The following ZNF697 variants were observed in gnomAD, a reference collection of about 807,000 sequenced individuals.
ZNF697 encodes zinc finger protein 697.
ZNF697 carries 23 observed loss-of-function variants against 32.4 expected under a neutral mutation model. The ratio of observed to expected loss-of-function variants is 0.71; its 90% CI spans 0.51 to 1.01. ZNF697 has a LOEUF of 1.01. ZNF697 is among the 50% of genes least tolerant of loss of function. The pLI is 0.00. For synonymous variants in ZNF697, 418 were observed against 337.2 expected, an observed-to-expected ratio of 1.24 and a Z score of -2.62; for missense variants, 930 against 794.0, an observed-to-expected ratio of 1.17 and a Z score of -2.06.
intron 1 of ZNF697, among the ~76,000 whole-genome samples, chr1:119,638,402 C>T (rs888395029): frequency 1.1e-4 from 17 of 152,158 alleles, no homozygotes; most frequent in African/African-American, 3.9e-4. Context: ...TTCCACATGC[C>T]GTGGTCTCCT....
At chr1:119,633,382 GTGTGTGTGTGTA>G (rs1340295193) in intron 1 of ZNF697, among the ~76,000 whole-genome samples, 4 of 146,896 alleles carry the variant, frequency 2.7e-5, no homozygotes, top group African/African-American at 1.1e-4. Flanking sequence ...GTGTGTGTGT[GTGTGTGTGTGTA>G]TAGAGAGAGA....
Position 119,623,517 on chromosome 1 carries a change from G to C in ZNF697, c.826C>G (p.Leu276Val). ...CGKGFSRNTY[L>V]TNHLRLHTGE... ...GTGTGCAGGCGCAGGTGGTTGGTCA[G>C]GTAGGTGTTGCGGCTGAAGCCCTTG... Residue 276 changes from leucine to valine, a missense_variant, in exon 3 of 3, where the codon CTG becomes GTG. Transcript: ENST00000421812. The C allele has an allele frequency of 6.4e-7, 1 of 1,566,558 alleles. No homozygotes were observed. Among genetic ancestry groups the C allele is most frequent in the East Asian group, 2.5e-5 (1 of 40,602 alleles).
At chr1:119,631,689 A>AG (rs946579423) in intron 1 of ZNF697, among the ~76,000 whole-genome samples, 6 of 152,180 alleles carry the variant, frequency 3.9e-5, no homozygotes, top group Non-Finnish European at 8.8e-5. Flanking sequence ...GCGGGGAGCC[A>AG]GGCCGGCAGG....
At chr1:119,643,537 C>T (rs928481204) in intron 1 of ZNF697, among the ~76,000 whole-genome samples, 1 of 152,176 alleles carries the variant, frequency 6.6e-6, no homozygotes, top group African/African-American at 2.4e-5. Flanking sequence ...TTAACCATCC[C>T]TTATCAATAC....
rs1300516214 is a variant in ZNF697 at position 119,619,729 on chromosome 1, A to G, written c.*2976T>C. The G allele has an allele frequency of 6.6e-6, 1 of 152,662 alleles. No individual in the cohort carries two copies. Among genetic ancestry groups the G allele is most frequent in the Non-Finnish European group, 1.5e-5 (1 of 68,046 alleles). The allele number at this position is 152,662 out of a possible 1,614,324, so 9.5% of individuals were successfully genotyped here. On this transcript the variant is annotated 3_prime_UTR_variant, in exon 3 of 3. Coordinates refer to ENST00000421812, the MANE Select transcript of ZNF697 (RefSeq NM_001080470.2). ...CATATGTACAGTCTCTTGATTGTAA[A>G]GAGACCACATGGCTCAAGGGGTTAA...
In ZNF697 at chr1:119,624,130, A is replaced by G; in HGVS notation, c.227-14T>C. 6.5e-7 allele frequency: 1 copy of G among 1,541,788 alleles called. No individual in the cohort carries two copies. Among genetic ancestry groups the G allele is most frequent in the Non-Finnish European group, 8.8e-7 (1 of 1,142,188 alleles). Reference sequence around the variant, plus strand: ...TCAGCTGCCCCTCTGCAACAGAAAAAGGTGGCAGTGGGGGATTACTATACT... The same window carrying G: ...TCAGCTGCCCCTCTGCAACAGAAAAGGGTGGCAGTGGGGGATTACTATACT... On this transcript the variant is annotated splice_polypyrimidine_tract_variant and intron_variant, in intron 2 of 2. Coordinates refer to ENST00000421812, the MANE Select transcript of ZNF697 (RefSeq NM_001080470.2).
chr1:119,631,746 G>A (rs1477305158), intron 1 of ZNF697, among the ~76,000 whole-genome samples: 1 of 152,170 alleles, frequency 6.6e-6, no homozygotes, highest in African/African-American at 2.4e-5. Context: ...GGCGGGCCAG[G>A]AGCGGCTCCC....
At chr1:119,647,177 T>C (rs1315211261) in intron 1 of ZNF697, among the ~76,000 whole-genome samples, 2 of 152,146 alleles carry the variant, frequency 1.3e-5, no homozygotes, top group African/African-American at 4.8e-5. Context: ...ATGGCCATAA[T>C]GTACATTGGC....
At chr1:119,643,156 CTCTCTGAA>C (rs1649122376) in intron 1 of ZNF697, among the ~76,000 whole-genome samples, 1 of 152,160 alleles carries the variant, frequency 6.6e-6, no homozygotes, top group African/African-American at 2.4e-5. Context: ...TCTGAAGTAA[CTCTCTGAA>C]TAAAAAGTAG....
chr1:119,639,709 T>C (rs1469161239), intron 1 of ZNF697, among the ~76,000 whole-genome samples: 1 of 137,874 alleles, frequency 7.3e-6, no homozygotes, highest in Non-Finnish European at 1.6e-5. Context: ...CAAAACCCTG[T>C]CTCTCCAAAA....
At position 119,633,925 on chromosome 1, in the gene ZNF697, G is replaced by C. The variant is rs115089169; in HGVS notation, c.-37-7788C>G. ...CACAGCCACATGTGTGTGTTATCTG[G>C]ATTGGGGTCCTAGTTGTGTAACACT... On this transcript the variant is annotated intron_variant, in intron 1 of 2. Coordinates refer to ENST00000421812, the MANE Select transcript of ZNF697 (RefSeq NM_001080470.2). Among the ~76,000 whole-genome samples, 1,130 of 152,322 alleles carry C rather than the reference G, an allele frequency of 7.4e-3. 13 individuals carry two copies. Among genetic ancestry groups the C allele is most frequent in the African/African-American group, 0.026 (1,063 of 41,574 alleles).
intron 1 of ZNF697, among the ~76,000 whole-genome samples, chr1:119,641,647 C>T (rs1217487245): frequency 2.0e-5 from 3 of 152,158 alleles, no homozygotes; most frequent in African/African-American, 4.8e-5. Context: ...GTAATCCCCT[C>T]GTGTCATGGA....
intron 1 of ZNF697, among the ~76,000 whole-genome samples, chr1:119,631,108 C>A (rs587670377): frequency 6.6e-6 from 1 of 152,370 alleles, no homozygotes; most frequent in South Asian, 2.1e-4. Flanking sequence ...CCCCCACCAA[C>A]CTGGATTTTA....
At chr1:119,626,315 G>A (rs1321569082) in intron 1 of ZNF697, among the ~76,000 whole-genome samples, 178 bp from the exon 2 acceptor site, 1 of 152,212 alleles carries the variant, frequency 6.6e-6, no homozygotes, top group African/African-American at 2.4e-5. Context: ...TGGACTGGGT[G>A]GCAGAAGAAC....
intron 1 of ZNF697, among the ~76,000 whole-genome samples, chr1:119,638,269 C>T (rs1331748712): frequency 1.3e-5 from 2 of 152,252 alleles, no homozygotes; most frequent in African/African-American, 4.8e-5. Flanking sequence ...ATCACCACCA[C>T]ACTCTCACAG....
At chr1:119,643,159 T>A (rs1367303771) in intron 1 of ZNF697, among the ~76,000 whole-genome samples, 1 of 152,224 alleles carries the variant, frequency 6.6e-6, no homozygotes, top group Non-Finnish European at 1.5e-5. Flanking sequence ...GAAGTAACTC[T>A]CTGAATAAAA....
At position 119,622,169 on chromosome 1, in the gene ZNF697, C is replaced by T. The variant is rs1228446346; in HGVS notation, c.*536G>A. The T allele has an allele frequency of 6.5e-6, 1 of 152,878 alleles. No homozygotes were observed. The highest frequency in any genetic ancestry group is 1.5e-5 in the Non-Finnish European group (1 of 68,258). 9.5% of individuals were successfully genotyped at this position (152,878 alleles called of 1,614,324 possible). A position where few individuals can be genotyped will look rare whatever the true frequency, so the allele number is the denominator to read the frequency against. On this transcript the variant is annotated 3_prime_UTR_variant, in exon 3 of 3. Transcript: ENST00000421812. ...CTGTGGCTCAGAGAAAGGAAAAGTACATTAAATATCCTGTCCTATGTGACT... is the reference window on the plus strand; with the variant it reads ...CTGTGGCTCAGAGAAAGGAAAAGTATATTAAATATCCTGTCCTATGTGACT...
chr1:119,629,265 TA>T (rs1186125638), intron 1 of ZNF697, among the ~76,000 whole-genome samples: 3 of 152,172 alleles, frequency 2.0e-5, no homozygotes, highest in Non-Finnish European at 2.9e-5. Context: ...CTAGAAGTAA[TA>T]AAAAGGAAGA....
rs1649096976 is a variant in ZNF697 at position 119,642,282 on chromosome 1, A to G, written c.-38+5409T>C. Among the ~76,000 whole-genome samples, 3 of 152,358 alleles carry G rather than the reference A, an allele frequency of 2.0e-5. No individual in the cohort carries two copies. In the South Asian group the frequency reaches 6.2e-4, roughly 32 times the overall value. ...CAGTGAAACTATTCTGCACTATACTATAATGGTAGATACCCGTCATTATAC... is the reference window on the plus strand; with the variant it reads ...CAGTGAAACTATTCTGCACTATACTGTAATGGTAGATACCCGTCATTATAC... On this transcript the variant is annotated intron_variant, in intron 1 of 2. Transcript: ENST00000421812.
Sources: gnomAD v4.1 joint callset for allele counts (sites outside exome capture counted in the v4.1 genomes callset) on GRCh38, gnomAD v4.1.1 for gene constraint, MANE v1.5 for transcripts, NCBI Gene and HGNC (gene_info 2026-07-23, HGNC 2026-07-21) for gene names.